Variants in ACSS2 observed in about 807,000 individuals in gnomAD.
The protein encoded by ACSS2 is acyl-CoA synthetase short chain family member 2.
In ACSS2, 58 loss-of-function variants were observed where a neutral mutation model predicts 90.6. The observed-to-expected ratio is 0.64, with a 90% CI of 0.52 to 0.80. The LOEUF is 0.80. Among genes scored for constraint, ACSS2 ranks in the 30% least tolerant of loss-of-function variants. The probability of loss-of-function intolerance (pLI) is 0.00; values close to 1 mark genes in which losing one functional copy is unlikely to be tolerated. For synonymous variants in ACSS2, 300 were observed against 330.9 expected, an observed-to-expected ratio of 0.91 and a Z score of 1.01; for missense variants, 759 against 912.0, an observed-to-expected ratio of 0.83 and a Z score of 2.16.
intron 1 of ACSS2, among the ~76,000 whole-genome samples, chr20:34,879,626 G>A (rs1386213838): frequency 6.6e-6 from 1 of 152,074 alleles, no homozygotes; most frequent in Admixed American, 6.6e-5. Context: ...CTGCTACTCA[G>A]GAGGCTAAGG....
upstream of ACSS2, chr20:34,876,485 C>T: frequency 2.6e-6 from 2 of 766,670 alleles, no homozygotes; most frequent in Non-Finnish European, 3.6e-6. Flanking sequence ...CCAGACACGG[C>T]CCCGCCCCCT....
chr20:34,877,844 A>C (rs902090417), intron 1 of ACSS2, among the ~76,000 whole-genome samples: 1 of 151,352 alleles, frequency 6.6e-6, no homozygotes. Flanking sequence ...AAAAAAAAAA[A>C]AAAAAGGTAT....
At chr20:34,909,109 G>A (rs950391871) in intron 2 of ACSS2, among the ~76,000 whole-genome samples, 3 of 149,532 alleles carry the variant, frequency 2.0e-5, no homozygotes, top group African/African-American at 7.4e-5. Context: ...ACTTTGGAAG[G>A]AAGGCTGAGG....
chr20:34,901,501 C>A (rs749210219), intron 2 of ACSS2, among the ~76,000 whole-genome samples: 1 of 152,114 alleles, frequency 6.6e-6, no homozygotes, highest in Non-Finnish European at 1.5e-5. Flanking sequence ...GCAGAAGCAC[C>A]CAGAGGGAAC....
intron 7 of ACSS2, chr20:34,915,141 A>T: frequency 6.6e-7 from 1 of 1,510,608 alleles, no homozygotes; most frequent in Non-Finnish European, 9.2e-7. Flanking sequence ...GGGGTTTATG[A>T]CACACTGACC....
intron 2 of ACSS2, among the ~76,000 whole-genome samples, chr20:34,890,031 T>G (rs1327433475): frequency 6.6e-6 from 1 of 152,104 alleles, no homozygotes; most frequent in Non-Finnish European, 1.5e-5. Context: ...CTGGTGGGAA[T>G]GGAATGGAAC....
rs779051498 is a variant in ACSS2, at chr20:34,913,087, A to G, written c.375-9A>G. On this transcript the variant is annotated splice_polypyrimidine_tract_variant and intron_variant, in intron 2 of 17. Coordinates refer to ENST00000360596, the MANE Select transcript of ACSS2 (RefSeq NM_018677.4). Reference sequence around the variant, plus strand: ...CCCCTAATCACTGGTTCTTTCTGGTATGTCTCAGGGAGGGCAATGAGCCAG... The same window carrying G: ...CCCCTAATCACTGGTTCTTTCTGGTGTGTCTCAGGGAGGGCAATGAGCCAG... The G allele has an allele frequency of 3.7e-6, 6 of 1,609,524 alleles. No individual in the cohort carries two copies. In the Admixed American group the frequency reaches 5.0e-5, roughly 13 times the overall value.
At chr20:34,890,333 C>T (rs2080304122) in intron 2 of ACSS2, among the ~76,000 whole-genome samples, 1 of 152,094 alleles carries the variant, frequency 6.6e-6, no homozygotes, top group Non-Finnish European at 1.5e-5. Context: ...GCTGTCTTCC[C>T]CCTGGTGTGG....
chr20:34,927,163 C>T lies in ACSS2; in HGVS notation c.2055C>T (p.Asp685=). 2 of 1,614,134 alleles carry T rather than the reference C, an allele frequency of 1.2e-6. No individual in the cohort carries two copies. The highest frequency in any genetic ancestry group is 1.7e-5 in the Admixed American group (1 of 60,026). ...HDLGDMSTVA[D]PSVISHLFSH... ...TCGGGGACATGTCTACTGTGGCTGA[C>T]CCATCTGTCATCAGTCACCTCTTCA... is the stretch of plus-strand genomic sequence containing the variant. The change falls in exon 18 of 18, where the codon GAC becomes GAT. Residue 685 remains aspartate, a synonymous_variant. Transcript: ENST00000360596. This position sits in a 1 kb window ranked among gnomAD's most constrained non-coding sequence, Gnocchi z 4.2.
At position 34,898,145 on chromosome 20, in the gene ACSS2, G is replaced by A. The variant is rs561057764; in HGVS notation, c.375-14951G>A. On this transcript the variant is annotated intron_variant, in intron 2 of 17. Transcript: ENST00000360596. ...TGTTACAGCTCATAAAAGCAGTGTG[G>A]ACCCAAAGAGTGAGCAGCAGCAAGA... Among the ~76,000 whole-genome samples, 68 of 152,258 alleles carry A rather than the reference G, an allele frequency of 4.5e-4. 1 individual carries two copies. The highest frequency in any genetic ancestry group is 1.6e-3 in the African/African-American group (68 of 41,528).
rs201418139 is a variant in ACSS2, at chr20:34,920,668, G to A, written c.1102G>A (p.Val368Ile). 5.6e-5 allele frequency: 90 copies of A among 1,613,890 alleles called. No homozygotes were observed. Among genetic ancestry groups the A allele is most frequent in the Middle Eastern group, 1.6e-4 (1 of 6,072 alleles). Residue 368 changes from valine (V) to isoleucine (I), a missense_variant, in exon 9 of 18, where the codon GTC (valine) becomes ATC (isoleucine). Physicochemically the swap from Val to Ile is conservative, Grantham distance 29 (BLOSUM62 3). Transcript: ENST00000360596. ...TGGTTGGATCACTGGTCATTCCTAC[G>A]TCACCTATGGGCCACTGGCCAATGG... ...DIGWITGHSY[V>I]TYGPLANGAT...
intron 14 of ACSS2, 114 bp from the exon 15 acceptor site, chr20:34,925,584 T>G: frequency 8.6e-7 from 1 of 1,164,030 alleles, no homozygotes; most frequent in Non-Finnish European, 1.2e-6. Flanking sequence ...TGGGCAAGAG[T>G]GGAAGCAGGA....
At chr20:34,881,796 G>C (rs548505701) in intron 1 of ACSS2, among the ~76,000 whole-genome samples, 2 of 152,296 alleles carry the variant, frequency 1.3e-5, no homozygotes, top group African/African-American at 4.8e-5. Context: ...AATGAGAAAA[G>C]CCTCCCTTCT....
chr20:34,916,615 A>G (rs983683643), intron 7 of ACSS2, among the ~76,000 whole-genome samples: 4 of 152,212 alleles, frequency 2.6e-5, no homozygotes, highest in African/African-American at 9.7e-5. Context: ...GAGCATAAAA[A>G]TAGGCTTAAA....
At chr20:34,922,565 T>C (rs2081226722) in intron 13 of ACSS2, among the ~76,000 whole-genome samples, 1 of 152,202 alleles carries the variant, frequency 6.6e-6, no homozygotes, top group African/African-American at 2.4e-5. Flanking sequence ...AATTGTGCCA[T>C]TGCACTTCAT....
chr20:34,880,435 G>A (rs1449285283), intron 1 of ACSS2, among the ~76,000 whole-genome samples: 1 of 151,302 alleles, frequency 6.6e-6, no homozygotes, highest in Non-Finnish European at 1.5e-5. Context: ...GTGGGGGAGG[G>A]GGTACAGCTG....
chr20:34,926,519 G>T (rs1171538164), intron 16 of ACSS2, among the ~76,000 whole-genome samples: 2 of 152,176 alleles, frequency 1.3e-5, no homozygotes, highest in Non-Finnish European at 2.9e-5. Context: ...TGCTTTAAAT[G>T]AATTACCCCA....
intron 7 of ACSS2, chr20:34,915,206 G>A (rs185335090): frequency 2.5e-6 from 4 of 1,613,890 alleles, no homozygotes; most frequent in Admixed American, 1.7e-5. Flanking sequence ...TTTCATCCTG[G>A]GCTCTTAACA....
Position 34,876,743 on chromosome 20 carries a change from C to T in ACSS2, c.98C>T (p.Pro33Leu). Residue 33 changes from proline to leucine, a missense_variant, in exon 1 of 18, where the codon CCC (proline) becomes CTC (leucine). Coordinates refer to ENST00000360596, the MANE Select transcript of ACSS2 (RefSeq NM_018677.4). Reference sequence around the variant, plus strand: ...CGGGCGCGGAGTTGGTCTCCGCCGCCCGAGGTCAGCCGCTCCGCGCACGTC... The same window carrying T: ...CGGGCGCGGAGTTGGTCTCCGCCGCTCGAGGTCAGCCGCTCCGCGCACGTC... ...GGRARSWSPPPEVSRSAHVPS... is the reference protein window; with the variant it reads ...GGRARSWSPPLEVSRSAHVPS... 2.1e-6 allele frequency: 3 copies of T among 1,435,444 alleles called. No individual in the cohort carries two copies. The highest frequency in any genetic ancestry group is 2.8e-6 in the Non-Finnish European group (3 of 1,085,120). 88.9% of individuals were successfully genotyped at this position (1,435,444 alleles called of 1,614,324 possible).
Sources: gnomAD v4.1 joint callset for allele counts (sites outside exome capture counted in the v4.1 genomes callset) on GRCh38, gnomAD v4.1.1 for gene constraint, Gnocchi (gnomAD v3.1) non-coding constraint, MANE v1.5 for transcripts, NCBI Gene and HGNC (gene_info 2026-07-23, HGNC 2026-07-21) for gene names.